Variants in ACSM3 observed in about 807,000 individuals in gnomAD.
ACSM3 encodes acyl-coenzyme A synthetase ACSM3, mitochondrial.
In ACSM3, 61 loss-of-function variants were observed where a neutral mutation model predicts 74.1. The ratio of observed to expected loss-of-function variants is 0.82; its 90% CI spans 0.67 to 1.02. ACSM3 has a LOEUF of 1.02. Ranked by LOEUF, ACSM3 falls within the 50% of genes least tolerant of loss-of-function variation. The pLI is 0.00. For synonymous variants in ACSM3, 213 were observed against 241.5 expected, an observed-to-expected ratio of 0.88 and a Z score of 1.09; for missense variants, 660 against 697.0, an observed-to-expected ratio of 0.95 and a Z score of 0.60.
At chr16:20,730,068 C>T (rs1252294571) in intron 1 of ACSM3, among the ~76,000 whole-genome samples, 3 of 152,258 alleles carry the variant, frequency 2.0e-5, no homozygotes, top group East Asian at 3.9e-4. Flanking sequence ...TCACATCTCT[C>T]ACCAATGTGG....
In ACSM3 at chr16:20,786,060, T is replaced by C. The variant is rs375425139; in HGVS notation, c.1144-18T>C. On this transcript the variant is annotated intron_variant, in intron 8 of 13. Coordinates refer to ENST00000289416, the MANE Select transcript of ACSM3 (RefSeq NM_005622.4). ...AGTGACTTGTAATGTTATCTTACTT[T>C]TTCTTCTTCTTAACTAGGTGCTAAT... The C allele has an allele frequency of 6.7e-7, 1 of 1,483,412 alleles. No homozygotes were observed. Among genetic ancestry groups the C allele is most frequent in the African/African-American group, 1.4e-5 (1 of 70,438 alleles). The allele number at this position is 1,483,412 out of a possible 1,614,324, so 91.9% of individuals were successfully genotyped here.
At chr16:20,706,554 G>A (rs1191836266) in intron 1 of ACSM3, among the ~76,000 whole-genome samples, 1 of 152,222 alleles carries the variant, frequency 6.6e-6, no homozygotes, top group Non-Finnish European at 1.5e-5. Context: ...CCAAGACCTA[G>A]GAGAGTTGTT....
intron 1 of ACSM3, chr16:20,734,116 ATATAAAAGACAATT>A (rs2079848630): frequency 8.6e-6 from 1 of 115,942 alleles, no homozygotes; most frequent in Admixed American, 8.1e-5. Flanking sequence ...ATACAAATAA[ATATAAAAGACAATT>A]TAAAAACAAA....
chr16:20,697,556 T>TACACACACACAC lies in ACSM3; in HGVS notation c.-190+22772_-190+22783dup, dbSNP rs57633278. 2.1e-4 allele frequency: 30 copies of TACACACACACAC among 139,642 alleles called. 1 individual carries two copies. The East Asian group carries it at 3.2e-3, about 15-fold the overall frequency. The allele number at this position is 139,642 out of a possible 1,614,324, so 8.7% of individuals were successfully genotyped here. ...GCATTGCCAGAACTTAAAATTGGAT[T>TACACACACACAC]ACACACACACACACACACACACACA... On this transcript the variant is annotated intron_variant, in intron 1 of 3. Coordinates refer to the ACSM3 transcript ENST00000561584.
intron 2 of ACSM3, among the ~76,000 whole-genome samples, chr16:20,750,171 C>T (rs561345409): frequency 4.6e-5 from 7 of 152,210 alleles, no homozygotes; most frequent in Non-Finnish European, 1.0e-4. Flanking sequence ...GATTGGAAAA[C>T]TAGTTACATA....
chr16:20,795,199 T>C (rs2080696370), intron 12 of ACSM3, among the ~76,000 whole-genome samples: 1 of 152,214 alleles, frequency 6.6e-6, no homozygotes, highest in Non-Finnish European at 1.5e-5. Context: ...GTTGTTTTTT[T>C]TCTTAGAGAC....
chr16:20,715,337 C>T (rs1437654199), intron 1 of ACSM3, among the ~76,000 whole-genome samples: 1 of 152,200 alleles, frequency 6.6e-6, no homozygotes, highest in Non-Finnish European at 1.5e-5. Context: ...GTCATGGTGG[C>T]TCACATCTGT....
chr16:20,752,043 A>C (rs1242802697), intron 2 of ACSM3, among the ~76,000 whole-genome samples: 2 of 152,168 alleles, frequency 1.3e-5, no homozygotes, highest in African/African-American at 4.8e-5. Flanking sequence ...AAATGATATG[A>C]GCTATCTAAA....
chr16:20,678,915 G>A (rs902486202), intron 1 of ACSM3, among the ~76,000 whole-genome samples: 1 of 152,002 alleles, frequency 6.6e-6, no homozygotes, highest in African/African-American at 2.4e-5. Context: ...TTGTTCAGCC[G>A]GCCACCCCCC....
chr16:20,685,246 A>G lies in ACSM3; in HGVS notation c.-190+10424A>G, dbSNP rs376749488. The G allele has an allele frequency of 3.1e-6, 5 of 1,614,050 alleles. No homozygotes were observed. In the African/African-American group the frequency reaches 6.7e-5, roughly 22 times the overall value. ...CCACCACTCAGGAACTCGAGGCAGC[A>G]TCAAGGCCAGATGGTCTCCCTGTTG... On this transcript the variant is annotated intron_variant, in intron 1 of 3. Transcript: ENST00000561584.
chr16:20,731,028 T>C (rs1042325123), intron 1 of ACSM3, among the ~76,000 whole-genome samples: 8 of 152,160 alleles, frequency 5.3e-5, no homozygotes, highest in African/African-American at 1.9e-4. Context: ...CCCTGGCTAA[T>C]TTTTTCTTTT....
chr16:20,683,741 T>TTTC (rs2079496513), intron 1 of ACSM3, among the ~76,000 whole-genome samples: 1 of 63,052 alleles, frequency 1.6e-5, no homozygotes, highest in Non-Finnish European at 4.3e-5. Flanking sequence ...TTCTTTCTTT[T>TTTC]TGTATTTTAG....
intron 1 of ACSM3, among the ~76,000 whole-genome samples, chr16:20,687,377 G>A (rs1029305970): frequency 4.6e-5 from 7 of 152,110 alleles, no homozygotes; most frequent in African/African-American, 1.2e-4. Context: ...GAAAATTAGC[G>A]AGGTGGGGCG....
At chr16:20,730,192 C>T (rs1014835662) in intron 1 of ACSM3, among the ~76,000 whole-genome samples, 1 of 152,104 alleles carries the variant, frequency 6.6e-6, no homozygotes, top group Admixed American at 6.6e-5. Context: ...ATAGGAAAAA[C>T]TACAGTAGCT....
rs558017629 is a variant in ACSM3 at position 20,758,597 on chromosome 16, A to AT, written c.-52+2987dup. 9.1e-4 allele frequency among the ~76,000 whole-genome samples: 139 copies of AT among 152,146 alleles called. 4 individuals carry two copies. The South Asian group carries it at 0.028, about 31-fold the overall frequency. On this transcript the variant is annotated intron_variant, in intron 3 of 3. Coordinates refer to the ACSM3 transcript ENST00000561584. ...AAAAAACCAGCTCCTGGATTCATTA[A>AT]TTTTTTGAAGGGTCTTTTGTGTCTC... is the stretch of plus-strand genomic sequence containing the variant.
chr16:20,677,658 C>T lies in ACSM3; in HGVS notation c.-190+2836C>T, dbSNP rs187814378. 1.7e-3 allele frequency among the ~76,000 whole-genome samples: 265 copies of T among 152,250 alleles called. 5 individuals are homozygous for T. The South Asian group carries it at 0.028, about 16-fold the overall frequency. The stretch of plus-strand genomic sequence containing the variant: ...TTTTACTGATGGAAGCAGTTTCATA[C>T]GAAAGGGAATCTGCTGAGCTGGGTA... On this transcript the variant is annotated intron_variant, in intron 1 of 3. Coordinates refer to the ACSM3 transcript ENST00000561584.
At chr16:20,716,762 C>T (rs979764825) in intron 1 of ACSM3, among the ~76,000 whole-genome samples, 4 of 152,124 alleles carry the variant, frequency 2.6e-5, no homozygotes, top group African/African-American at 4.8e-5. Context: ...TGCATACCAG[C>T]GTTGGCCCCC....
chr16:20,789,676 C>A, intron 9 of ACSM3: 27 of 548,806 alleles, frequency 4.9e-5, no homozygotes, highest in Non-Finnish European at 7.7e-5. Context: ...TAAAGCAACT[C>A]TATTTTTCTT....
At chr16:20,692,694 C>G (rs562525584) in intron 1 of ACSM3, among the ~76,000 whole-genome samples, 1 of 152,260 alleles carries the variant, frequency 6.6e-6, no homozygotes, top group South Asian at 2.1e-4. Context: ...AGGGCAATTT[C>G]AAGGTATGGC....
Sources: gnomAD v4.1 joint callset for allele counts (sites outside exome capture counted in the v4.1 genomes callset) on GRCh38, gnomAD v4.1.1 for gene constraint, MANE v1.5 for transcripts, NCBI Gene and HGNC (gene_info 2026-07-23, HGNC 2026-07-21) for gene names.